ANXA13: variants seen among roughly 807,000 people sequenced by gnomAD.
ANXA13 encodes annexin A13.
A neutral mutation model predicts 46.6 loss-of-function variants in ANXA13; 36 were observed. The observed-to-expected ratio is 0.77, with a 90% CI of 0.59 to 1.02. The LOEUF (loss-of-function observed/expected upper bound fraction) is 1.02, where lower values mean the gene tolerates loss of function less well. Ranked by LOEUF, ANXA13 falls within the 50% of genes least tolerant of loss-of-function variation. The pLI is 0.00. For missense variants in ANXA13, 417 were observed against 396.5 expected, an observed-to-expected ratio of 1.05 and a Z score of -0.44; for synonymous variants, 163 against 152.9, an observed-to-expected ratio of 1.07 and a Z score of -0.49.
At chr8:123,689,029 A>G in intron 8 of ANXA13, 83 bp from the exon 9 acceptor site, 1 of 1,370,120 alleles carries the variant, frequency 7.3e-7, no homozygotes, top group Non-Finnish European at 1.0e-6. Flanking sequence ...TACAAAAAGC[A>G]CTCAAGTTTT....
intron 3 of ANXA13, among the ~76,000 whole-genome samples, chr8:123,699,330 C>T (rs1050107784): frequency 6.6e-6 from 1 of 152,202 alleles, no homozygotes; most frequent in African/African-American, 2.4e-5. Context: ...CAGGTACACA[C>T]TGCCATGCTC....
intron 3 of ANXA13, among the ~76,000 whole-genome samples, chr8:123,699,714 T>C (rs1205879568): frequency 6.6e-6 from 1 of 152,180 alleles, no homozygotes; most frequent in African/African-American, 2.4e-5. Flanking sequence ...ATAGACAAGC[T>C]GGCATTTCAA....
At chr8:123,689,959 G>A (rs989907677) in intron 8 of ANXA13, among the ~76,000 whole-genome samples, 1 of 152,178 alleles carries the variant, frequency 6.6e-6, no homozygotes, top group Non-Finnish European at 1.5e-5. Context: ...TATGTCGGGG[G>A]AGGAACTGTG....
chr8:123,714,710 C>A (rs1174079184), intron 1 of ANXA13, among the ~76,000 whole-genome samples: 5 of 152,218 alleles, frequency 3.3e-5, no homozygotes, highest in Admixed American at 1.3e-4. Context: ...AACCTCCCTG[C>A]CTTTTGGAAC....
intron 2 of ANXA13, among the ~76,000 whole-genome samples, chr8:123,710,411 T>C (rs1813634242): frequency 6.6e-6 from 1 of 152,236 alleles, no homozygotes; most frequent in Admixed American, 6.5e-5. Flanking sequence ...TGAAATGTTC[T>C]GGAATAAGTG....
At chr8:123,692,618 G>T (rs898831205) in intron 8 of ANXA13, among the ~76,000 whole-genome samples, 2 of 152,140 alleles carry the variant, frequency 1.3e-5, no homozygotes, top group Non-Finnish European at 2.9e-5. Flanking sequence ...AGAATGGTGG[G>T]CACTGTTAGC....
intron 2 of ANXA13, among the ~76,000 whole-genome samples, chr8:123,704,175 C>A (rs887523124): frequency 1.3e-5 from 2 of 152,156 alleles, no homozygotes; most frequent in South Asian, 2.1e-4. Flanking sequence ...TGCCTCACAT[C>A]CATGCAGGGT....
At chr8:123,735,932 GCTCCCT>G in intron 1 of ANXA13, 1 of 1,532,242 alleles carries the variant, frequency 6.5e-7, no homozygotes, top group Non-Finnish European at 8.8e-7. Flanking sequence ...AAGGCCAGCT[GCTCCCT>G]AGGTTGACTT....
At chr8:123,710,061 G>C (rs1020144004) in intron 2 of ANXA13, among the ~76,000 whole-genome samples, 15 of 152,100 alleles carry the variant, frequency 9.9e-5, no homozygotes, top group African/African-American at 3.6e-4. Flanking sequence ...GCCCAGCCAA[G>C]TTTCTTATAT....
At chr8:123,696,635 G>A (rs6988728) in intron 4 of ANXA13, among the ~76,000 whole-genome samples, 32,797 of 151,946 alleles carry the variant, frequency 0.22, 4,601 homozygotes, top group South Asian at 0.43. Context: ...GGGAGAAAGC[G>A]GTGGGGAGCC....
At position 123,690,002 on chromosome 8, in the gene ANXA13, C is replaced by T. The variant is rs1341061050; in HGVS notation, c.643-1056G>A. Among the ~76,000 whole-genome samples the T allele has an allele frequency of 2.0e-5, 3 of 152,146 alleles. No individual in the cohort carries two copies. Among genetic ancestry groups the T allele is most frequent in the South Asian group, 2.1e-4 (1 of 4,828 alleles). ...TTAATGAAGCCCTGTTGCTTGATCT[C>T]CTAGTCATTGTTTGCATATCTGGAG... On this transcript the variant is annotated intron_variant, in intron 8 of 10. Transcript: ENST00000419625. This position sits in a 1 kb window ranked among gnomAD's most constrained non-coding sequence, Gnocchi z 4.6.
intron 2 of ANXA13, 137 bp from the exon 3 acceptor site, chr8:123,702,873 GC>G: frequency 2.8e-6 from 2 of 707,378 alleles, no homozygotes; most frequent in Non-Finnish European, 4.9e-6. Context: ...CGGACCCTTA[GC>G]TTTGATGCCT....
rs1307938848 is a variant in ANXA13, at chr8:123,684,592, A to G, written c.831+18T>C. 8.4e-6 allele frequency: 13 copies of G among 1,552,578 alleles called. No individual in the cohort carries two copies. The highest frequency in any genetic ancestry group is 1.1e-5 in the Non-Finnish European group (12 of 1,124,574). On this transcript the variant is annotated intron_variant, in intron 10 of 10. Transcript: ENST00000419625. ...AGAGAAGTTGCAGCCGCCTCTTTGG[A>G]GTCGGAGTGTGTCTTACCTCGGCCC... is the stretch of plus-strand genomic sequence containing the variant.
intron 1 of ANXA13, among the ~76,000 whole-genome samples, chr8:123,731,725 G>A (rs1040185909): frequency 1.3e-5 from 2 of 152,064 alleles, no homozygotes; most frequent in African/African-American, 4.8e-5. Flanking sequence ...AAATTAAAAA[G>A]TAGCTGGGCG....
chr8:123,688,327 C>T (rs891807419), intron 9 of ANXA13, among the ~76,000 whole-genome samples: 66 of 152,316 alleles, frequency 4.3e-4, no homozygotes, highest in African/African-American at 1.5e-3. Context: ...GTAAGCTGTG[C>T]CTTCCGTCTT....
rs559516811 is a variant in ANXA13, at chr8:123,684,581, C to T, written c.831+29G>A. ...TGGTGGAAAAAAGAGAAGTTGCAGCCGCCTCTTTGGAGTCGGAGTGTGTCT... is the reference window on the plus strand; with the variant it reads ...TGGTGGAAAAAAGAGAAGTTGCAGCTGCCTCTTTGGAGTCGGAGTGTGTCT... On this transcript the variant is annotated intron_variant, in intron 10 of 10. Coordinates refer to ENST00000419625, the MANE Select transcript of ANXA13 (RefSeq NM_004306.4). 42 of 1,486,590 alleles carry T rather than the reference C, an allele frequency of 2.8e-5. 1 individual carries two copies. Among genetic ancestry groups the T allele is most frequent in the South Asian group, 1.6e-4 (14 of 88,150 alleles). The allele number at this position is 1,486,590 out of a possible 1,614,324, so 92.1% of individuals were successfully genotyped here. A position where few individuals can be genotyped will look rare whatever the true frequency, so the allele number is the denominator to read the frequency against.
At position 123,693,223 on chromosome 8, in the gene ANXA13, G is replaced by A. The variant is rs766941266; in HGVS notation, c.616C>T (p.Arg206Ter). Residue 206 changes from arginine to a stop codon, truncating the protein, a stop_gained, in exon 8 of 11, where the codon CGA becomes TGA. Coordinates refer to ENST00000419625, the MANE Select transcript of ANXA13 (RefSeq NM_004306.4). LOFTEE classifies it high-confidence loss of function. The part of the protein sequence containing the change: ...VLAKRSYKQL[R>*]ATFQAYQILI... ...ATTTGATAGGCTTGAAAGGTGGCTC[G>A]TAACTGCTTGTAGCTCCTCTTGGCC... is the stretch of plus-strand genomic sequence containing the variant. 9.9e-6 allele frequency: 16 copies of A among 1,613,992 alleles called. No individual in the cohort carries two copies. The highest frequency in any genetic ancestry group is 3.3e-5 in the Admixed American group (2 of 59,994).
intron 1 of ANXA13, among the ~76,000 whole-genome samples, chr8:123,734,215 C>T (rs1814197101): frequency 1.3e-5 from 2 of 152,188 alleles, no homozygotes; most frequent in African/African-American, 2.4e-5. Context: ...TGCACATATC[C>T]TATAGCCACA....
rs576744261 is a variant in ANXA13 at position 123,714,110 on chromosome 8, A to G, written c.16-1357T>C. Among the ~76,000 whole-genome samples, 19 of 152,320 alleles carry G rather than the reference A, an allele frequency of 1.2e-4. 1 individual carries two copies. The South Asian group carries it at 3.9e-3, about 32-fold the overall frequency. ...TGGCACCCAGTGGAAGTGAACAGTC[A>G]ACCACATGCAGCTCAGTGGGTATGT... On this transcript the variant is annotated intron_variant, in intron 1 of 10. Coordinates refer to ENST00000419625, the MANE Select transcript of ANXA13 (RefSeq NM_004306.4).
Sources: gnomAD v4.1 joint callset for allele counts (sites outside exome capture counted in the v4.1 genomes callset) on GRCh38, gnomAD v4.1.1 for gene constraint, Gnocchi (gnomAD v3.1) non-coding constraint, MANE v1.5 for transcripts, NCBI Gene and HGNC (gene_info 2026-07-23, HGNC 2026-07-21) for gene names.